The following ADGRD1 variants were observed in gnomAD, a reference collection of about 807,000 sequenced individuals.
The protein encoded by ADGRD1 is G-protein coupled receptor 133.
A neutral mutation model predicts 113.4 loss-of-function variants in ADGRD1; 77 were observed. The observed-to-expected ratio is 0.68, with a 90% CI of 0.57 to 0.82. The LOEUF (loss-of-function observed/expected upper bound fraction) is 0.82, where lower values mean the gene tolerates loss of function less well. ADGRD1 is among the 40% of genes least tolerant of loss of function. The pLI is 0.00. For synonymous variants in ADGRD1, 474 were observed against 475.0 expected, an observed-to-expected ratio of 1.00 and a Z score of 0.03; for missense variants, 1,036 against 1,139.1, an observed-to-expected ratio of 0.91 and a Z score of 1.30.
intron 20 of ADGRD1, among the ~76,000 whole-genome samples, chr12:131,128,021 G>C (rs1471755143): frequency 8.0e-6 from 1 of 124,418 alleles, no homozygotes; most frequent in Admixed American, 7.6e-5. Context: ...ATGGGACTCT[G>C]AGCTCAGGTG....
chr12:131,039,472 T>C (rs958623773), intron 13 of ADGRD1, among the ~76,000 whole-genome samples: 1 of 152,270 alleles, frequency 6.6e-6, no homozygotes, highest in Non-Finnish European at 1.5e-5. Context: ...GAGTTCACGA[T>C]GGCCGTGCCT....
At chr12:130,956,606 C>T (rs1327830421) in intron 2 of ADGRD1, 1 of 152,278 alleles carries the variant, frequency 6.6e-6, no homozygotes, top group Non-Finnish European at 1.5e-5. Context: ...AGGGGTAGCC[C>T]CTCGAACTGC....
At chr12:131,119,691 T>C (rs1950546066) in intron 19 of ADGRD1, among the ~76,000 whole-genome samples, 1 of 152,246 alleles carries the variant, frequency 6.6e-6, no homozygotes, top group Non-Finnish European at 1.5e-5. Flanking sequence ...TCTCTCTCTT[T>C]GCAGAAGCAT....
Position 130,992,372 on chromosome 12 carries a change from A to G in ADGRD1, c.946A>G (p.Thr316Ala). Residue 316 changes from threonine to alanine, a missense_variant, in exon 8 of 25, where the codon ACA becomes GCA. Transcript: ENST00000261654. ...ACCCAGTAAGTCCCTCTCGGAGCAG[A>G]CAGCCTTGAATCTCACCAAGGTAAG... Reference protein sequence around the residue: ...SLPSKSLSEQTALNLTKTFLK... With the variant: ...SLPSKSLSEQAALNLTKTFLK... 1 of 1,613,834 alleles carries G rather than the reference A, an allele frequency of 6.2e-7. No individual in the cohort carries two copies. Among genetic ancestry groups the G allele is most frequent in the Non-Finnish European group, 8.5e-7 (1 of 1,179,868 alleles).
chr12:131,131,689 G>C, intron 20 of ADGRD1, 36 bp from the exon 21 acceptor site: 1 of 1,455,080 alleles, frequency 6.9e-7, no homozygotes, highest in Non-Finnish European at 9.6e-7. Context: ...GTGCAGCCCA[G>C]GCCCCCCTCA....
chr12:130,983,948 C>T (rs74325102), intron 5 of ADGRD1, among the ~76,000 whole-genome samples: 2,074 of 152,220 alleles, frequency 0.014, 26 homozygotes, highest in Middle Eastern at 0.034. Context: ...TGTTGATGAG[C>T]GTGGTTCTTG....
Position 130,984,678 on chromosome 12 carries a change from G to A in ADGRD1, c.491-2417G>A, listed in dbSNP as rs531546872. Among the ~76,000 whole-genome samples the A allele has an allele frequency of 6.6e-5, 10 of 151,948 alleles. No homozygotes were observed. The highest frequency in any genetic ancestry group is 1.7e-4 in the African/African-American group (7 of 41,438). ...ATAGTTCACATTAGCATTTGCTCTC[G>A]GTGTTGTACATTCTATGGGTTGGTG... On this transcript the variant is annotated intron_variant, in intron 5 of 24. Coordinates refer to ENST00000261654, the MANE Select transcript of ADGRD1 (RefSeq NM_198827.5). This position sits in a 1 kb window ranked among gnomAD's most constrained non-coding sequence, Gnocchi z 4.1.
chr12:130,990,757 C>T, intron 6 of ADGRD1: 1 of 367,108 alleles, frequency 2.7e-6, no homozygotes, highest in Non-Finnish European at 4.9e-6. Flanking sequence ...TTTTGATATG[C>T]TGACTTGCAT....
Position 131,113,531 on chromosome 12 carries a change from T to C in ADGRD1, c.2041+4654T>C, listed in dbSNP as rs1235697954. On this transcript the variant is annotated intron_variant, in intron 18 of 24. Transcript: ENST00000261654. This position sits in a 1 kb window ranked among gnomAD's most constrained non-coding sequence, Gnocchi z 4.9. ...CGTTTAATTTTCACAGTCTTTGTTA[T>C]GCAAGTAGCAGGTAAACAGGCTTAC... Among the ~76,000 whole-genome samples, 1 of 152,230 alleles carries C rather than the reference T, an allele frequency of 6.6e-6. No homozygotes were observed. The highest frequency in any genetic ancestry group is 1.5e-5 in the Non-Finnish European group (1 of 68,026).
At chr12:131,138,062 A>G in intron 23 of ADGRD1, 75 bp from the exon 24 acceptor site, 2 of 1,213,626 alleles carry the variant, frequency 1.6e-6, no homozygotes, top group Non-Finnish European at 2.4e-6. Context: ...CCGGAGTTGC[A>G]CCGGCACAGA....
chr12:131,081,322 TA>T (rs1157147747), intron 14 of ADGRD1, among the ~76,000 whole-genome samples: 1 of 152,250 alleles, frequency 6.6e-6, no homozygotes, highest in Non-Finnish European at 1.5e-5. Context: ...ACCATTTTGC[TA>T]GATGTCTTCT....
rs535081785 is a variant in ADGRD1 at position 131,060,287 on chromosome 12, G to A, written c.1474-16514G>A. Among the ~76,000 whole-genome samples, 4 of 152,344 alleles carry A rather than the reference G, an allele frequency of 2.6e-5. No homozygotes were observed. In the East Asian group the frequency reaches 7.7e-4, roughly 29 times the overall value. On this transcript the variant is annotated intron_variant, in intron 13 of 24. Coordinates refer to ENST00000261654, the MANE Select transcript of ADGRD1 (RefSeq NM_198827.5). This position sits in a 1 kb window ranked among gnomAD's most constrained non-coding sequence, Gnocchi z 4.4. ...CAGCCTTTGCTCATAGAGGCTGGGT[G>A]GGGCCACACTTTCTCCCGTGGTATT...
intron 15 of ADGRD1, among the ~76,000 whole-genome samples, chr12:131,097,233 C>G (rs1482732012): frequency 1.3e-5 from 2 of 152,162 alleles, no homozygotes; most frequent in Admixed American, 6.5e-5. Flanking sequence ...GGGGAGACAG[C>G]AGGAGCCCCC....
chr12:131,039,574 G>C (rs544988109), intron 13 of ADGRD1, among the ~76,000 whole-genome samples: 1 of 152,340 alleles, frequency 6.6e-6, no homozygotes, highest in East Asian at 1.9e-4. Context: ...CCTGGAGGCT[G>C]GCTGTGTGGA....
intron 13 of ADGRD1, among the ~76,000 whole-genome samples, chr12:131,019,437 C>G (rs1225792660): frequency 6.6e-6 from 1 of 152,240 alleles, no homozygotes; most frequent in Non-Finnish European, 1.5e-5. Context: ...GTGTTCTCTT[C>G]AGTCAAAATT....
At chr12:131,074,621 A>G (rs1053500618) in intron 13 of ADGRD1, among the ~76,000 whole-genome samples, 2 of 152,098 alleles carry the variant, frequency 1.3e-5, no homozygotes, top group African/African-American at 4.8e-5. Context: ...TATCAAAAAC[A>G]CACCCACCCC....
At chr12:130,997,737 G>A (rs989025551) in intron 8 of ADGRD1, among the ~76,000 whole-genome samples, 1 of 151,568 alleles carries the variant, frequency 6.6e-6, no homozygotes, top group South Asian at 2.1e-4. Context: ...GCCAGGCAGA[G>A]GGGCTCCTCA....
In ADGRD1 at chr12:131,139,105, C is replaced by G. The variant is rs1951182257; in HGVS notation, c.2530-63C>G. ...ATGGGCCCAATGCTCCCCGCACTCA[C>G]TGGGCTTATGGCTCTCCCCCTGGGA... On this transcript the variant is annotated intron_variant, in intron 24 of 24. Transcript: ENST00000261654. The G allele has an allele frequency of 1.7e-5, 22 of 1,312,978 alleles. No individual in the cohort carries two copies. The South Asian group carries it at 2.7e-4, about 16-fold the overall frequency. The allele number at this position is 1,312,978 out of a possible 1,614,324, so 81.3% of individuals were successfully genotyped here.
intron 9 of ADGRD1, among the ~76,000 whole-genome samples, chr12:131,001,954 T>G (rs1876441730): frequency 1.3e-5 from 2 of 152,210 alleles, no homozygotes; most frequent in Admixed American, 1.3e-4. Context: ...TTGATAAACT[T>G]TTGTTTGAAT....
Sources: gnomAD v4.1 joint callset for allele counts (sites outside exome capture counted in the v4.1 genomes callset) on GRCh38, gnomAD v4.1.1 for gene constraint, Gnocchi (gnomAD v3.1) non-coding constraint, MANE v1.5 for transcripts, NCBI Gene and HGNC (gene_info 2026-07-23, HGNC 2026-07-21) for gene names.